TRIM60: variants seen among roughly 807,000 people sequenced by gnomAD.
The protein encoded by TRIM60 is tripartite motif containing 60.
For missense variants in TRIM60, 524 were observed against 540.8 expected (o/e 0.97, Z 0.31); for synonymous variants, 189 against 195.2 (o/e 0.97, Z 0.27).
rs1162127297 is a variant in TRIM60 at position 165,040,440 on chromosome 4, C to G, written c.368C>G (p.Thr123Ser). 2 of 1,614,076 alleles carry G rather than the reference C, an allele frequency of 1.2e-6. No individual in the cohort carries two copies. The highest frequency in any genetic ancestry group is 1.7e-6 in the Non-Finnish European group (2 of 1,180,036). Residue 123 changes from threonine (T) to serine (S), a missense_variant, in exon 3 of 3, where the codon ACT becomes AGT. Physicochemically the swap from Thr to Ser is moderately conservative, Grantham distance 58 (BLOSUM62 1). Coordinates refer to ENST00000512596, the MANE Select transcript of TRIM60 (RefSeq NM_152620.3). ...TTATGTACACAGTGCAGTTTCTCCA[C>G]TAAACACCAGAAGCACTACATTTGC... Reference protein sequence around the residue: ...EILCTQCSFSTKHQKHYICPI... With the variant: ...EILCTQCSFSSKHQKHYICPI...
At chr4:165,039,945 G>T in intron 2 of TRIM60, 124 bp from the exon 3 acceptor site, 1 of 708,932 alleles carries the variant, frequency 1.4e-6, no homozygotes, top group Non-Finnish European at 2.3e-6. Context: ...TGCTAGGCTA[G>T]TGAAACCTAA....
chr4:165,041,236 T>G lies in TRIM60; in HGVS notation c.1164T>G (p.Ile388Met). Residue 388 changes from isoleucine (I) to methionine (M), a missense_variant, in exon 3 of 3, where the codon ATT becomes ATG. Transcript: ENST00000512596. The stretch of plus-strand genomic sequence containing the variant: ...CAGTTCTGGGCGGATTCTGGGCAAT[T>G]GGGCGATACATGAAGAGTGGTTATG... The part of the protein sequence containing the change: ...QPSVLGGFWA[I>M]GRYMKSGYVA... 6.2e-7 allele frequency: 1 copy of G among 1,614,148 alleles called. No individual in the cohort carries two copies. The highest frequency in any genetic ancestry group is 8.5e-7 in the Non-Finnish European group (1 of 1,180,026).
rs191585346 is a variant in TRIM60 at position 165,037,064 on chromosome 4, G to A, written c.-56-2137G>A. Among the ~76,000 whole-genome samples the A allele has an allele frequency of 5.1e-3, 770 of 151,502 alleles. 7 individuals are homozygous for A. Among genetic ancestry groups the A allele is most frequent in the African/African-American group, 0.018 (729 of 41,354 alleles). ...CTAAAAATACAAAAATTAGCCAGGCGTGGTGGTGTGTGCCTGTAGTCCCAG... is the reference window on the plus strand; with the variant it reads ...CTAAAAATACAAAAATTAGCCAGGCATGGTGGTGTGTGCCTGTAGTCCCAG... On this transcript the variant is annotated intron_variant, in intron 1 of 2. Transcript: ENST00000512596.
chr4:165,040,101 T>C lies in TRIM60; in HGVS notation c.29T>C (p.Leu10Pro), dbSNP rs1428184663. The C allele has an allele frequency of 6.2e-7, 1 of 1,612,966 alleles. No individual in the cohort carries two copies. The highest frequency in any genetic ancestry group is 8.5e-7 in the Non-Finnish European group (1 of 1,179,968). MEFVTALVN[L>P]QEESSCPICL... ...GAGTTTGTGACAGCCCTGGTGAACC[T>C]CCAAGAGGAGTCTAGCTGTCCCATC... The change falls in exon 3 of 3, where the codon CTC becomes CCC. Residue 10 changes from leucine (L) to proline (P), a missense_variant. Coordinates refer to ENST00000512596, the MANE Select transcript of TRIM60 (RefSeq NM_152620.3).
chr4:165,040,482 C>T lies in TRIM60; in HGVS notation c.410C>T (p.Ala137Val), dbSNP rs1196918318. 3 of 1,614,128 alleles carry T rather than the reference C, an allele frequency of 1.9e-6. No individual in the cohort carries two copies. Among genetic ancestry groups the T allele is most frequent in the Non-Finnish European group, 8.5e-7 (1 of 1,180,024 alleles). The change falls in exon 3 of 3, where the codon GCC becomes GTC. Residue 137 changes from alanine to valine, a missense_variant. Physicochemically the swap from Ala to Val is moderately conservative, Grantham distance 64. Transcript: ENST00000512596. Reference sequence around the variant, plus strand: ...TACATTTGCCCTATTAAGAAAGCTGCCTCTTATCACAGAGAAATTCTAGAA... The same window carrying T: ...TACATTTGCCCTATTAAGAAAGCTGTCTCTTATCACAGAGAAATTCTAGAA... Reference protein sequence around the residue: ...KHYICPIKKAASYHREILEGS... With the variant: ...KHYICPIKKAVSYHREILEGS...
In TRIM60 at chr4:165,040,473, A is replaced by C. The variant is rs773504018; in HGVS notation, c.401A>C (p.Lys134Thr). Residue 134 changes from lysine (K) to threonine (T), a missense_variant, in exon 3 of 3, where the codon AAG becomes ACG. Physicochemically the swap from Lys to Thr is moderately conservative, Grantham distance 78. Transcript: ENST00000512596. ...CAGAAGCACTACATTTGCCCTATTAAGAAAGCTGCCTCTTATCACAGAGAA... is the reference window on the plus strand; with the variant it reads ...CAGAAGCACTACATTTGCCCTATTACGAAAGCTGCCTCTTATCACAGAGAA... Reference protein sequence around the residue: ...KHQKHYICPIKKAASYHREIL... With the variant: ...KHQKHYICPITKAASYHREIL... The C allele has an allele frequency of 6.2e-7, 1 of 1,614,222 alleles. No homozygotes were observed. The highest frequency in any genetic ancestry group is 8.5e-7 in the Non-Finnish European group (1 of 1,180,046).
chr4:165,037,449 G>C (rs1248921368), intron 1 of TRIM60, among the ~76,000 whole-genome samples: 3 of 151,876 alleles, frequency 2.0e-5, no homozygotes, highest in Non-Finnish European at 2.9e-5. Context: ...TCAGTCTCCT[G>C]AGTAGCTGGG....
intron 1 of TRIM60, among the ~76,000 whole-genome samples, chr4:165,032,489 TC>T (rs1172863956): frequency 4.6e-5 from 7 of 152,146 alleles, no homozygotes; most frequent in Admixed American, 4.6e-4. Flanking sequence ...CCTCAGGTGG[TC>T]CGCCCGCCTC....
At position 165,041,567 on chromosome 4, in the gene TRIM60, GT is replaced by G; in HGVS notation, c.*83del. The G allele has an allele frequency of 9.4e-7, 1 of 1,059,810 alleles. No homozygotes were observed. The highest frequency in any genetic ancestry group is 1.3e-6 in the Non-Finnish European group (1 of 770,528). The allele number at this position is 1,059,810 out of a possible 1,614,324, so 65.7% of individuals were successfully genotyped here. The stretch of plus-strand genomic sequence containing the variant: ...TTAATCTCATTTCTGGACTCTTTAA[GT>G]TTTACCACTGAAAACCAGAGTCGAT... On this transcript the variant is annotated 3_prime_UTR_variant, in exon 3 of 3. Coordinates refer to ENST00000512596, the MANE Select transcript of TRIM60 (RefSeq NM_152620.3).
chr4:165,038,191 C>A (rs980006384), intron 1 of TRIM60, among the ~76,000 whole-genome samples: 1 of 152,048 alleles, frequency 6.6e-6, no homozygotes, highest in Non-Finnish European at 1.5e-5. Flanking sequence ...GCATGTATTT[C>A]CTAAGAATGA....
rs749890541 is a variant in TRIM60, at chr4:165,041,093, G to A, written c.1021G>A (p.Gly341Ser). 3.1e-6 allele frequency: 5 copies of A among 1,614,184 alleles called. No individual in the cohort carries two copies. Among genetic ancestry groups the A allele is most frequent in the Non-Finnish European group, 4.2e-6 (5 of 1,180,044 alleles). The change falls in exon 3 of 3, where the codon GGC becomes AGC. Residue 341 changes from glycine to serine, a missense_variant. Coordinates refer to ENST00000512596, the MANE Select transcript of TRIM60 (RefSeq NM_152620.3). The stretch of plus-strand genomic sequence containing the variant: ...ATTTTATGTCTGCCCTGCTGTCCTA[G>A]GCTCTCAGAGATTTAGTTCTGGCCG... ...RRFYVCPAVL[G>S]SQRFSSGRHY...
chr4:165,032,343 G>T (rs1579176313), intron 1 of TRIM60, among the ~76,000 whole-genome samples: 2 of 152,332 alleles, frequency 1.3e-5, no homozygotes, highest in East Asian at 1.9e-4. Flanking sequence ...CCGCCTCCCG[G>T]ATTCAAGCGA....
intron 1 of TRIM60, among the ~76,000 whole-genome samples, chr4:165,034,924 G>A (rs972734072): frequency 1.7e-4 from 26 of 152,172 alleles, no homozygotes; most frequent in African/African-American, 5.5e-4. Flanking sequence ...AATGTAGGCA[G>A]TTTGGCTAGA....
rs766380537 is a variant in TRIM60, at chr4:165,040,358, A to G, written c.286A>G (p.Met96Val). The change falls in exon 3 of 3, where the codon ATG becomes GTG. Residue 96 changes from methionine (M) to valine (V), a missense_variant. Coordinates refer to ENST00000512596, the MANE Select transcript of TRIM60 (RefSeq NM_152620.3). ...SKRKRQKENA[M>V]CEKHNQFLTL... is the part of the protein sequence containing the mutation. ...GAGAAAGAGGCAGAAAGAGAATGCC[A>G]TGTGTGAAAAACACAACCAGTTTCT... 3.1e-6 allele frequency: 5 copies of G among 1,614,226 alleles called. No homozygotes were observed. In the South Asian group the frequency reaches 4.4e-5, roughly 14 times the overall value.
Position 165,040,174 on chromosome 4 carries a change from C to T in TRIM60, c.102C>T (p.Asn34=), listed in dbSNP as rs772971594. 6.2e-7 allele frequency: 1 copy of T among 1,614,162 alleles called. No individual in the cohort carries two copies. The highest frequency in any genetic ancestry group is 8.5e-7 in the Non-Finnish European group (1 of 1,180,018). The part of the protein sequence containing the change: ...KDPVTINCGH[N]FCRSCLSVSW... ...CAGTGACCATCAACTGTGGGCACAA[C>T]TTCTGTCGCTCCTGCCTCAGTGTAT... Residue 34 remains asparagine (N), a synonymous_variant, in exon 3 of 3, where the codon AAC becomes AAT. Transcript: ENST00000512596.
intron 1 of TRIM60, among the ~76,000 whole-genome samples, chr4:165,033,820 G>T: frequency 6.6e-6 from 1 of 152,178 alleles, no homozygotes; most frequent in Admixed American, 6.5e-5. Context: ...AGTCAGGGAA[G>T]TGAAAAATTA....
intron 1 of TRIM60, among the ~76,000 whole-genome samples, chr4:165,038,900 C>T (rs1400755578): frequency 1.3e-5 from 2 of 151,726 alleles, no homozygotes. Context: ...CCGTCTCTAC[C>T]AAAACTATGA....
rs1341606271 is a variant in TRIM60, at chr4:165,041,572, A to G, written c.*84A>G. 17 of 975,876 alleles carry G rather than the reference A, an allele frequency of 1.7e-5. No homozygotes were observed. The highest frequency in any genetic ancestry group is 2.3e-5 in the Non-Finnish European group (16 of 699,640). 60.5% of individuals were successfully genotyped at this position (975,876 alleles called of 1,614,324 possible). ...CTCATTTCTGGACTCTTTAAGTTTT[A>G]CCACTGAAAACCAGAGTCGATTTTT... On this transcript the variant is annotated 3_prime_UTR_variant, in exon 3 of 3. Transcript: ENST00000512596.
chr4:165,037,204 C>T (rs73005726), intron 1 of TRIM60, among the ~76,000 whole-genome samples: 7,761 of 151,912 alleles, frequency 0.051, 555 homozygotes, highest in African/African-American at 0.16. Flanking sequence ...TGTCTCAAAA[C>T]GAAACAAAAC....
Sources: gnomAD v4.1 joint callset for allele counts (sites outside exome capture counted in the v4.1 genomes callset) on GRCh38, gnomAD v4.1.1 for gene constraint, MANE v1.5 for transcripts, NCBI Gene and HGNC (gene_info 2026-07-23, HGNC 2026-07-21) for gene names.